The following XKR4 variants were observed in gnomAD, a reference collection of about 807,000 sequenced individuals.
The protein encoded by XKR4 is XK-related protein 4.
In XKR4, 12 loss-of-function variants were observed where a neutral mutation model predicts 53.9. The observed-to-expected ratio is 0.22, with a 90% CI of 0.14 to 0.36. The LOEUF is 0.36. XKR4 is among the 10% of genes least tolerant of loss of function. The pLI, the probability that XKR4 is intolerant of heterozygous loss-of-function variation, is 1.00. For missense variants in XKR4, 799 were observed against 859.5 expected, an observed-to-expected ratio of 0.93 and a Z score of 0.88; for synonymous variants, 354 against 362.4, an observed-to-expected ratio of 0.98 and a Z score of 0.26.
At chr8:55,191,167 G>A (rs997820822) in intron 1 of XKR4, among the ~76,000 whole-genome samples, 12 of 152,018 alleles carry the variant, frequency 7.9e-5, no homozygotes, top group African/African-American at 2.9e-4. Context: ...CATGAGTCTG[G>A]AGAGTCTTCC....
At chr8:55,461,967 G>A (rs1028349507) in intron 2 of XKR4, among the ~76,000 whole-genome samples, 5 of 152,164 alleles carry the variant, frequency 3.3e-5, no homozygotes, top group Admixed American at 3.3e-4. Flanking sequence ...AGAAATATGG[G>A]ACTATGTCAA....
At chr8:55,504,768 T>C (rs554446045) in intron 2 of XKR4, among the ~76,000 whole-genome samples, 53 of 152,274 alleles carry the variant, frequency 3.5e-4, no homozygotes, top group Admixed American at 2.4e-3. Context: ...TTTATTTCTT[T>C]ATGATTCAGT....
chr8:55,118,789 TTC>T (rs1241872487), intron 1 of XKR4, among the ~76,000 whole-genome samples: 1 of 152,244 alleles, frequency 6.6e-6, no homozygotes, highest in African/African-American at 2.4e-5. Context: ...AGTATCATTT[TTC>T]TTTTAGTTAA....
In XKR4 at chr8:55,106,062, G is replaced by A. The variant is rs570313154; in HGVS notation, c.806+2768G>A. ...TTGCAGAAACACCAGAGTACTGAGT[G>A]GTTCAAAGCACAGAGGTCATTATTC... On this transcript the variant is annotated intron_variant, in intron 1 of 2. Transcript: ENST00000327381. Among the ~76,000 whole-genome samples the A allele has an allele frequency of 4.6e-5, 7 of 152,240 alleles. No individual in the cohort carries two copies. In the East Asian group the frequency reaches 1.3e-3, roughly 29 times the overall value.
intron 2 of XKR4, chr8:55,451,783 A>G: frequency 9.7e-7 from 1 of 1,026,270 alleles, no homozygotes; most frequent in Non-Finnish European, 1.5e-6. Context: ...GCCCAGGCCA[A>G]GGCACTGATA....
chr8:55,183,175 C>T (rs537829730), intron 1 of XKR4, among the ~76,000 whole-genome samples: 2 of 151,750 alleles, frequency 1.3e-5, no homozygotes, highest in East Asian at 3.9e-4. Context: ...TCAGCTTTAG[C>T]TTCATAGATT....
intron 1 of XKR4, among the ~76,000 whole-genome samples, chr8:55,258,024 G>T (rs1296971910): frequency 1.3e-5 from 2 of 152,168 alleles, no homozygotes; most frequent in Non-Finnish European, 2.9e-5. Flanking sequence ...CCAGTGCTGA[G>T]TCCTGAGCTG....
intron 2 of XKR4, among the ~76,000 whole-genome samples, chr8:55,478,907 T>C (rs1270592878): frequency 6.6e-6 from 1 of 152,068 alleles, no homozygotes; most frequent in Non-Finnish European, 1.5e-5. Context: ...AAGCAAGTCC[T>C]TAGTGACATA....
chr8:55,436,867 C>T (rs995117699), intron 2 of XKR4, among the ~76,000 whole-genome samples: 3 of 152,172 alleles, frequency 2.0e-5, no homozygotes, highest in Non-Finnish European at 4.4e-5. Flanking sequence ...GGCCCGGTAG[C>T]TGGTTCCCTG....
chr8:55,251,930 A>G (rs979842110), intron 1 of XKR4, among the ~76,000 whole-genome samples: 1 of 152,110 alleles, frequency 6.6e-6, no homozygotes, highest in Admixed American at 6.5e-5. Context: ...CATTTGTTTT[A>G]TTTGTCATTA....
At chr8:55,143,638 G>T (rs866603550) in intron 1 of XKR4, among the ~76,000 whole-genome samples, 1 of 152,152 alleles carries the variant, frequency 6.6e-6, no homozygotes, top group Non-Finnish European at 1.5e-5. Flanking sequence ...GGCCATCAAG[G>T]TCTTATAGGA....
chr8:55,466,685 A>G (rs1805777880), intron 2 of XKR4, among the ~76,000 whole-genome samples: 1 of 152,128 alleles, frequency 6.6e-6, no homozygotes, highest in Non-Finnish European at 1.5e-5. Context: ...CTTACTATCC[A>G]TATAATCAGT....
intron 1 of XKR4, among the ~76,000 whole-genome samples, chr8:55,111,604 A>G (rs1008349410): frequency 2.6e-5 from 4 of 152,184 alleles, no homozygotes; most frequent in Non-Finnish European, 5.9e-5. Context: ...ATCAAATAAA[A>G]CAATTTTCAT....
chr8:55,156,675 G>A (rs1444746430), intron 1 of XKR4, among the ~76,000 whole-genome samples: 3 of 152,090 alleles, frequency 2.0e-5, no homozygotes, highest in African/African-American at 7.2e-5. Flanking sequence ...CCCATTGTAA[G>A]TCTCTTAATA....
At chr8:55,221,156 G>T (rs964575292) in intron 1 of XKR4, among the ~76,000 whole-genome samples, 12 of 152,222 alleles carry the variant, frequency 7.9e-5, no homozygotes, top group African/African-American at 2.9e-4. Context: ...CTGCTGGTTG[G>T]AGTAGTCCTT....
chr8:55,406,919 T>C (rs913752200), intron 2 of XKR4, among the ~76,000 whole-genome samples: 5 of 152,030 alleles, frequency 3.3e-5, no homozygotes, highest in Non-Finnish European at 7.4e-5. Context: ...AGCTAACATA[T>C]TCAATAAGTA....
At chr8:55,452,188 C>A in intron 2 of XKR4, 1 of 722,710 alleles carries the variant, frequency 1.4e-6, no homozygotes. Flanking sequence ...CTGTCAGACC[C>A]CACCTCCTCA....
chr8:55,335,871 A>G (rs1346542492), intron 1 of XKR4, among the ~76,000 whole-genome samples: 1 of 152,086 alleles, frequency 6.6e-6, no homozygotes, highest in Non-Finnish European at 1.5e-5. Flanking sequence ...TTGAACTGTC[A>G]AAGTGTAGTG....
chr8:55,268,351 C>T (rs111700864), intron 1 of XKR4, among the ~76,000 whole-genome samples: 204 of 152,090 alleles, frequency 1.3e-3, no homozygotes, highest in African/African-American at 4.8e-3. Context: ...TCTATCTTAA[C>T]AGTAAATTGG....
Sources: allele counts gnomAD v4.1 joint callset (sites outside exome capture counted in the v4.1 genomes callset), GRCh38; gene constraint gnomAD v4.1.1; transcripts MANE v1.5; gene names NCBI Gene and HGNC (gene_info 2026-07-23, HGNC 2026-07-21).